SPTLC1: variants seen among roughly 807,000 people sequenced by gnomAD.
SPTLC1 encodes serine palmitoyltransferase 1.
Under a neutral mutation model 68.9 loss-of-function variants are expected in SPTLC1, and 55 were observed. That is an observed-to-expected ratio of 0.80 (90% CI 0.64 to 1.00). The LOEUF (loss-of-function observed/expected upper bound fraction) is 1.00, where lower values mean the gene tolerates loss of function less well. SPTLC1 is among the 50% of genes least tolerant of loss of function. SPTLC1 has a pLI of 0.00. For synonymous variants in SPTLC1, 197 were observed against 201.6 expected (o/e 0.98, Z 0.19); for missense variants, 449 against 573.1 (o/e 0.78, Z 2.21).
chr9:92,038,598 G>A (rs984650025), intron 12 of SPTLC1: 11 of 534,834 alleles, frequency 2.1e-5, no homozygotes, highest in Admixed American at 5.7e-5. Flanking sequence ...GTGCAGGACC[G>A]GGTCTCATGG....
At chr9:92,038,527 C>T (rs1833228303) in intron 12 of SPTLC1, 162 bp from the exon 13 acceptor site, 8 of 696,224 alleles carry the variant, frequency 1.1e-5, no homozygotes, top group African/African-American at 5.3e-5. Context: ...GAAAGGGAAA[C>T]GAGGCACTCT....
intron 12 of SPTLC1, among the ~76,000 whole-genome samples, chr9:92,040,833 T>C (rs1833324908): frequency 6.6e-6 from 1 of 151,762 alleles, no homozygotes; most frequent in African/African-American, 2.4e-5. Context: ...TTTGATCAAA[T>C]GGTCTCATTT....
At chr9:92,112,672 TAACAATTTACTTTCGA>T in intron 1 of SPTLC1, 110 bp from the exon 2 acceptor site, 1 of 699,546 alleles carries the variant, frequency 1.4e-6, no homozygotes, top group African/African-American at 1.8e-5. Context: ...AGCCTATTCT[TAACAATTTACTTTCGA>T]AGCTCCCTTA....
intron 5 of SPTLC1, among the ~76,000 whole-genome samples, chr9:92,069,020 G>A (rs548371765): frequency 6.6e-6 from 1 of 152,188 alleles, no homozygotes. Flanking sequence ...CCTGTGTGGA[G>A]AGCGCTCGAA....
At chr9:92,070,919 C>G (rs919036571) in intron 5 of SPTLC1, among the ~76,000 whole-genome samples, 3 of 152,166 alleles carry the variant, frequency 2.0e-5, no homozygotes, top group African/African-American at 7.2e-5. Flanking sequence ...TTAAGACTAT[C>G]TTCCAATAAG....
intron 3 of SPTLC1, among the ~76,000 whole-genome samples, chr9:92,094,490 C>T (rs1222160668): frequency 6.6e-6 from 1 of 152,204 alleles, no homozygotes; most frequent in Admixed American, 6.5e-5. Flanking sequence ...TTCTGTCCCT[C>T]TCCTCTAAGT....
intron 5 of SPTLC1, among the ~76,000 whole-genome samples, chr9:92,078,240 C>G (rs539061253): frequency 6.6e-6 from 1 of 152,310 alleles, no homozygotes; most frequent in East Asian, 1.9e-4. Flanking sequence ...TTTACCTCAG[C>G]AAGCAGTCAC....
At chr9:92,080,997 C>T (rs770988366) in intron 3 of SPTLC1, 34 bp from the exon 4 acceptor site, 3 of 1,492,930 alleles carry the variant, frequency 2.0e-6, no homozygotes, top group Admixed American at 1.7e-5. Context: ...ATGTCAATTA[C>T]ACATTCATGT....
chr9:92,098,178 A>C (rs1225986554), intron 3 of SPTLC1, among the ~76,000 whole-genome samples: 1 of 152,070 alleles, frequency 6.6e-6, no homozygotes, highest in Non-Finnish European at 1.5e-5. Context: ...CCATCCTGAC[A>C]GCCACATCGG....
At chr9:92,108,646 G>C (rs1318512317) in intron 3 of SPTLC1, 94 bp downstream of exon 3, 13 of 1,573,934 alleles carry the variant, frequency 8.3e-6, no homozygotes, top group Non-Finnish European at 1.1e-5. Flanking sequence ...TTTTGTTTCA[G>C]ATAAAAAAAG....
chr9:92,078,939 G>A (rs1834776777), intron 5 of SPTLC1: 1 of 619,870 alleles, frequency 1.6e-6, no homozygotes, highest in African/African-American at 2.0e-5. Context: ...AACTGTTAAA[G>A]TAAAAAAACA....
At chr9:92,071,250 ATTAGT>A (rs1224627566) in intron 5 of SPTLC1, among the ~76,000 whole-genome samples, 1 of 150,736 alleles carries the variant, frequency 6.6e-6, no homozygotes, top group African/African-American at 2.4e-5. Context: ...AAAAAAAAAA[ATTAGT>A]TGGGCATGGT....
chr9:92,074,355 C>A (rs1834601910), intron 5 of SPTLC1, among the ~76,000 whole-genome samples: 1 of 152,138 alleles, frequency 6.6e-6, no homozygotes, highest in South Asian at 2.1e-4. Context: ...GTTATCCCCA[C>A]CTGCCCAGTC....
intron 14 of SPTLC1, among the ~76,000 whole-genome samples, chr9:92,032,857 C>A (rs570467383): frequency 1.1e-4 from 16 of 140,742 alleles, no homozygotes; most frequent in African/African-American, 4.3e-4. Flanking sequence ...GCCTGGGCAA[C>A]AGAGTGAGAC....
chr9:92,037,324 A>T (rs1833175044), intron 13 of SPTLC1, among the ~76,000 whole-genome samples: 1 of 152,252 alleles, frequency 6.6e-6, no homozygotes, highest in African/African-American at 2.4e-5. Flanking sequence ...TCATAGCTAC[A>T]GCCTCTGGAC....
chr9:92,081,136 GAT>G (rs1025253649), intron 3 of SPTLC1, among the ~76,000 whole-genome samples, 173 bp from the exon 4 acceptor site: 1 of 151,996 alleles, frequency 6.6e-6, no homozygotes, highest in African/African-American at 2.4e-5. Flanking sequence ...TTAAAAATAA[GAT>G]ATTTTTCCAT....
intron 11 of SPTLC1, 101 bp downstream of exon 11, chr9:92,047,071 C>G (rs188899930): frequency 5.6e-5 from 57 of 1,024,058 alleles, no homozygotes; most frequent in Non-Finnish European, 8.8e-5. Flanking sequence ...TAACTGCAAA[C>G]CAGTTTTGTC....
At position 92,115,304 on chromosome 9, in the gene SPTLC1, C is replaced by T. The variant is rs1356902450; in HGVS notation, c.57+10G>A. The stretch of plus-strand genomic sequence containing the variant: ...GTGTGGTCGCGGACCGCTAATGGCG[C>T]GGAGCCCACCTCGTAAAGCGCCTGT... On this transcript the variant is annotated intron_variant, in intron 1 of 14. Coordinates refer to ENST00000262554, the MANE Select transcript of SPTLC1 (RefSeq NM_006415.4). 1 of 1,611,678 alleles carries T rather than the reference C, an allele frequency of 6.2e-7. No homozygotes were observed.
At chr9:92,107,493 C>G (rs1472934293) in intron 3 of SPTLC1, among the ~76,000 whole-genome samples, 1 of 152,242 alleles carries the variant, frequency 6.6e-6, no homozygotes, top group East Asian at 1.9e-4. Context: ...CGGCTCACGC[C>G]TGTAATCCCA....
Sources: gnomAD v4.1 joint callset for allele counts (sites outside exome capture counted in the v4.1 genomes callset) on GRCh38, gnomAD v4.1.1 for gene constraint, MANE v1.5 for transcripts, NCBI Gene and HGNC (gene_info 2026-07-23, HGNC 2026-07-21) for gene names.